Variants in STX8 observed in about 807,000 individuals in gnomAD.
STX8 encodes syntaxin-8.
STX8 carries 23 observed loss-of-function variants against 37.5 expected under a neutral mutation model. The observed-to-expected ratio is 0.61, with a 90% CI of 0.44 to 0.87. The LOEUF (loss-of-function observed/expected upper bound fraction) is 0.87. Ranked by LOEUF, STX8 falls within the 40% of genes least tolerant of loss-of-function variation. STX8 has a pLI of 0.00. For synonymous variants in STX8, 115 were observed against 99.1 expected (o/e 1.16, Z -0.95); for missense variants, 313 against 284.7 (o/e 1.10, Z -0.71).
chr17:9,262,023 G>A (rs1163149304), intron 7 of STX8, among the ~76,000 whole-genome samples: 2 of 152,118 alleles, frequency 1.3e-5, no homozygotes, highest in East Asian at 3.8e-4. Flanking sequence ...TACTTTACCT[G>A]GCACCAATTA....
intron 6 of STX8, among the ~76,000 whole-genome samples, chr17:9,409,934 T>C (rs1398978356): frequency 1.3e-5 from 2 of 151,958 alleles, no homozygotes; most frequent in Non-Finnish European, 2.9e-5. Flanking sequence ...TGCCCTATGG[T>C]CACCTCTAAT....
chr17:9,491,687 C>T (rs538324375), intron 6 of STX8, 142 bp downstream of exon 6: 22 of 681,120 alleles, frequency 3.2e-5, no homozygotes, highest in South Asian at 1.7e-4. Context: ...GCCACAACCC[C>T]CACTCCAATG....
At chr17:9,264,866 T>C (rs61487652) in intron 7 of STX8, among the ~76,000 whole-genome samples, 21,290 of 151,888 alleles carry the variant, frequency 0.14, 3,111 homozygotes, top group East Asian at 0.38. Flanking sequence ...GTAATCCCAG[T>C]ACTTTGGGAG....
At chr17:9,449,760 T>C (rs1904976146) in intron 6 of STX8, among the ~76,000 whole-genome samples, 1 of 151,914 alleles carries the variant, frequency 6.6e-6, no homozygotes, top group South Asian at 2.1e-4. Flanking sequence ...AGGCAAAACT[T>C]GAGGGACAGC....
At chr17:9,498,300 G>T (rs1284333760) in intron 5 of STX8, among the ~76,000 whole-genome samples, 3 of 151,454 alleles carry the variant, frequency 2.0e-5, no homozygotes, top group Non-Finnish European at 4.4e-5. Flanking sequence ...TGAGGCTGGA[G>T]AATCACTTGA....
At chr17:9,422,392 C>T (rs886429120) in intron 6 of STX8, among the ~76,000 whole-genome samples, 10 of 152,222 alleles carry the variant, frequency 6.6e-5, no homozygotes, top group Admixed American at 2.6e-4. Context: ...CAGGTGTGAG[C>T]CACCATGCCT....
In STX8 at chr17:9,505,087, T is replaced by A; in HGVS notation, c.399A>T (p.Arg133Ser). 5 of 1,610,362 alleles carry A rather than the reference T, an allele frequency of 3.1e-6. No homozygotes were observed. The highest frequency in any genetic ancestry group is 3.4e-6 in the Non-Finnish European group (4 of 1,178,168). Residue 133 changes from arginine (R) to serine (S), a missense_variant, in exon 5 of 8, where the codon AGA (arginine) becomes AGT (serine). Coordinates refer to ENST00000306357, the MANE Select transcript of STX8 (RefSeq NM_004853.3). ...PWLFEEPEET[R>S]GLGFDEIRQQ... ...GCCGGATTTCATCAAAACCCAAGCC[T>A]CTGGTCTCCTCTGGCTCCTCAAAGA...
chr17:9,341,640 T>C (rs575177407), intron 7 of STX8, among the ~76,000 whole-genome samples: 1 of 152,154 alleles, frequency 6.6e-6, no homozygotes, highest in Non-Finnish European at 1.5e-5. Flanking sequence ...TTTCACCATG[T>C]AGGCCAGGCT....
intron 7 of STX8, among the ~76,000 whole-genome samples, chr17:9,312,204 T>C (rs533335726): frequency 1.3e-5 from 2 of 150,964 alleles, no homozygotes; most frequent in African/African-American, 4.9e-5. Flanking sequence ...TCTTTTTTTT[T>C]TTGTTTTTTG....
At chr17:9,546,829 C>T (rs1223900496) in intron 3 of STX8, among the ~76,000 whole-genome samples, 4 of 150,900 alleles carry the variant, frequency 2.7e-5, no homozygotes, top group African/African-American at 7.3e-5. Context: ...GATCTCTTGA[C>T]CTCATGATCC....
At chr17:9,480,225 A>G (rs899105934) in intron 6 of STX8, among the ~76,000 whole-genome samples, 1 of 152,206 alleles carries the variant, frequency 6.6e-6, no homozygotes, top group African/African-American at 2.4e-5. Flanking sequence ...CATGACATGT[A>G]TATGTGGATT....
intron 6 of STX8, among the ~76,000 whole-genome samples, chr17:9,406,577 C>T (rs193019564): frequency 8.0e-4 from 122 of 152,258 alleles, no homozygotes; most frequent in African/African-American, 2.6e-3. Flanking sequence ...GTGAAGGATG[C>T]CATACATGAT....
intron 6 of STX8, among the ~76,000 whole-genome samples, chr17:9,413,055 G>A (rs1394960928): frequency 1.3e-5 from 2 of 152,178 alleles, no homozygotes; most frequent in Non-Finnish European, 1.5e-5. Flanking sequence ...AAGAATGACT[G>A]ACTGATGGAG....
Position 9,362,279 on chromosome 17 carries a change from C to T in STX8, c.643+16273G>A, listed in dbSNP as rs190134970. Reference sequence around the variant, plus strand: ...AGGGAGGCGGAGGTTGCAGTGAGATCGTACCACTGTACTCGGGCCTGCATG... The same window carrying T: ...AGGGAGGCGGAGGTTGCAGTGAGATTGTACCACTGTACTCGGGCCTGCATG... On this transcript the variant is annotated intron_variant, in intron 7 of 7. Coordinates refer to ENST00000306357, the MANE Select transcript of STX8 (RefSeq NM_004853.3). Among the ~76,000 whole-genome samples, 6 of 152,112 alleles carry T rather than the reference C, an allele frequency of 3.9e-5. No individual in the cohort carries two copies. In the East Asian group the frequency reaches 1.2e-3, roughly 30 times the overall value.
In STX8 at chr17:9,502,971, T is replaced by C. The variant is rs1338127403; in HGVS notation, c.448+2067A>G. On this transcript the variant is annotated intron_variant, in intron 5 of 7. Transcript: ENST00000306357. Reference sequence around the variant, plus strand: ...TACAAAAAAAATTAGCTGGGCATGATGGCGGGCGCCCGTAATCCCAGCCAC... The same window carrying C: ...TACAAAAAAAATTAGCTGGGCATGACGGCGGGCGCCCGTAATCCCAGCCAC... Among the ~76,000 whole-genome samples, 3 of 151,770 alleles carry C rather than the reference T, an allele frequency of 2.0e-5. No individual in the cohort carries two copies. In the East Asian group the frequency reaches 5.8e-4, roughly 29 times the overall value.
At chr17:9,398,040 G>A (rs370209897) in intron 6 of STX8, among the ~76,000 whole-genome samples, 1 of 150,784 alleles carries the variant, frequency 6.6e-6, no homozygotes, top group Non-Finnish European at 1.5e-5. Context: ...TGAATAATAC[G>A]TGAAGGCGAA....
intron 6 of STX8, among the ~76,000 whole-genome samples, chr17:9,456,513 AG>A (rs1222000827): frequency 6.6e-6 from 1 of 152,198 alleles, no homozygotes; most frequent in Non-Finnish European, 1.5e-5. Flanking sequence ...AGCCAGTACC[AG>A]GGCTGTTCCC....
intron 4 of STX8, among the ~76,000 whole-genome samples, chr17:9,528,590 G>A (rs1013661698): frequency 2.6e-5 from 4 of 152,340 alleles, no homozygotes; most frequent in Middle Eastern, 3.4e-3. Flanking sequence ...TTACAGGCGT[G>A]AGCCACTGCG....
At chr17:9,531,990 C>A (rs1356107872) in intron 4 of STX8, among the ~76,000 whole-genome samples, 1 of 152,050 alleles carries the variant, frequency 6.6e-6, no homozygotes, top group Non-Finnish European at 1.5e-5. Flanking sequence ...TGGCTGGATA[C>A]CTTTCTTGAC....
Sources: allele counts gnomAD v4.1 joint callset (sites outside exome capture counted in the v4.1 genomes callset), GRCh38; gene constraint gnomAD v4.1.1; transcripts MANE v1.5; gene names NCBI Gene and HGNC (gene_info 2026-07-23, HGNC 2026-07-21).